The following PSMD14 variants were observed in gnomAD, a reference collection of about 807,000 sequenced individuals.
PSMD14 encodes the protein proteasome 26S subunit, non-ATPase 14.
A neutral mutation model predicts 41.2 loss-of-function variants in PSMD14; 7 were observed. The observed-to-expected ratio is 0.17, with a 90% CI of 0.10 to 0.32. The LOEUF is 0.32. Ranked by LOEUF, PSMD14 falls within the 10% of genes least tolerant of loss-of-function variation. The probability of loss-of-function intolerance (pLI) is 1.00; values close to 1 mark genes in which losing one functional copy is unlikely to be tolerated. For synonymous variants in PSMD14, 114 were observed against 122.3 expected (o/e 0.93, Z 0.45); for missense variants, 139 against 375.6 (o/e 0.37, Z 5.21).
chr2:161,313,388 C>T (rs939628169), intron 1 of PSMD14, among the ~76,000 whole-genome samples: 6 of 152,102 alleles, frequency 3.9e-5, no homozygotes, highest in Non-Finnish European at 7.4e-5. Context: ...CTTGCTGTGT[C>T]GCCCAGGCTG....
At chr2:161,369,908 C>A (rs939447956) in intron 5 of PSMD14, among the ~76,000 whole-genome samples, 199 bp from the exon 6 acceptor site, 1 of 151,922 alleles carries the variant, frequency 6.6e-6, no homozygotes, top group Non-Finnish European at 1.5e-5. Flanking sequence ...GGGCTTAACT[C>A]GATCGCCAAC....
chr2:161,360,408 T>C (rs1003013900), intron 3 of PSMD14, among the ~76,000 whole-genome samples: 1 of 149,116 alleles, frequency 6.7e-6, no homozygotes, highest in African/African-American at 2.5e-5. Flanking sequence ...GAGGCTGGAG[T>C]GCAGTGGCAT....
At chr2:161,375,951 G>A (rs538481850) in intron 7 of PSMD14, among the ~76,000 whole-genome samples, 2 of 151,752 alleles carry the variant, frequency 1.3e-5, no homozygotes, top group East Asian at 3.9e-4. Context: ...AGAAGGTCGT[G>A]TCTTTTCTTT....
intron 3 of PSMD14, among the ~76,000 whole-genome samples, chr2:161,356,287 A>G (rs557718894): frequency 6.6e-6 from 1 of 152,298 alleles, no homozygotes; most frequent in Admixed American, 6.5e-5. Context: ...AAGCTCATGC[A>G]GTAGAAATAG....
intron 7 of PSMD14, among the ~76,000 whole-genome samples, chr2:161,378,839 G>C (rs529755371): frequency 1.3e-5 from 2 of 151,994 alleles, no homozygotes; most frequent in South Asian, 4.1e-4. Context: ...TTTGTTGAGA[G>C]GATTAGCAAG....
intron 3 of PSMD14, among the ~76,000 whole-genome samples, chr2:161,322,067 C>G (rs1039622055): frequency 6.6e-6 from 1 of 152,118 alleles, no homozygotes; most frequent in Non-Finnish European, 1.5e-5. Context: ...TTGATCAGCC[C>G]TCATCTGCAA....
intron 5 of PSMD14, 49 bp downstream of exon 5, chr2:161,367,952 T>C: frequency 6.4e-7 from 1 of 1,565,212 alleles, no homozygotes; most frequent in Non-Finnish European, 8.7e-7. Flanking sequence ...TTTCTTTTCA[T>C]TTTTCTTTTC....
intron 3 of PSMD14, among the ~76,000 whole-genome samples, chr2:161,357,932 T>TTC (rs1225215444): frequency 6.6e-6 from 1 of 151,800 alleles, no homozygotes; most frequent in Admixed American, 6.6e-5. Context: ...GGTGAAACAG[T>TTC]TGTTATAAGG....
intron 4 of PSMD14, 49 bp downstream of exon 4, chr2:161,367,598 C>G: frequency 1.3e-6 from 2 of 1,498,100 alleles, no homozygotes; most frequent in South Asian, 2.4e-5. Flanking sequence ...GTTGCTTTCA[C>G]TGTATCTTTT....
rs565945039 is a variant in PSMD14 at position 161,395,217 on chromosome 2, C to A, written c.771+14C>A. 5.1e-6 allele frequency: 8 copies of A among 1,557,558 alleles called. No homozygotes were observed. The South Asian group carries it at 9.6e-5, about 19-fold the overall frequency. ...AATTACAATAAGGTAAAAGTTACTTCTGCCATTTCTTCTTTATAATCTTTG... is the reference window on the plus strand; with the variant it reads ...AATTACAATAAGGTAAAAGTTACTTATGCCATTTCTTCTTTATAATCTTTG... On this transcript the variant is annotated intron_variant, in intron 10 of 11. Transcript: ENST00000409682.
intron 3 of PSMD14, among the ~76,000 whole-genome samples, chr2:161,322,064 G>A (rs140367301): frequency 1.3e-3 from 201 of 152,240 alleles, no homozygotes; most frequent in African/African-American, 4.7e-3. Flanking sequence ...ATGTTGATCA[G>A]CCCTCATCTG....
intron 5 of PSMD14, among the ~76,000 whole-genome samples, chr2:161,368,222 A>G (rs1683385212): frequency 6.6e-6 from 1 of 151,856 alleles, no homozygotes; most frequent in African/African-American, 2.4e-5. Context: ...ATTTTGAACC[A>G]AGTGTTCAAA....
chr2:161,381,340 G>T (rs1369183896), intron 7 of PSMD14: 2 of 151,390 alleles, frequency 1.3e-5, no homozygotes, highest in Admixed American at 1.3e-4. Flanking sequence ...GAAAATGAAT[G>T]CATCATAAAT....
At chr2:161,360,907 G>T (rs1683281211) in intron 3 of PSMD14, among the ~76,000 whole-genome samples, 1 of 152,154 alleles carries the variant, frequency 6.6e-6, no homozygotes, top group South Asian at 2.1e-4. Context: ...TTCCATTATG[G>T]TTTTAGTATT....
chr2:161,376,923 T>C (rs757642237), intron 7 of PSMD14, among the ~76,000 whole-genome samples: 10 of 151,940 alleles, frequency 6.6e-5, no homozygotes, highest in Non-Finnish European at 1.0e-4. Context: ...GTTTTTAGCA[T>C]ATCCAAAAAA....
chr2:161,348,379 A>G (rs951743275), intron 3 of PSMD14, among the ~76,000 whole-genome samples: 1 of 152,220 alleles, frequency 6.6e-6, no homozygotes, highest in Admixed American at 6.5e-5. Flanking sequence ...GGGCCTGGCC[A>G]TGTTCCAATA....
At chr2:161,308,984 C>T (rs551060481) in intron 1 of PSMD14, among the ~76,000 whole-genome samples, 1 of 152,130 alleles carries the variant, frequency 6.6e-6, no homozygotes. Flanking sequence ...ATTAACTTTC[C>T]CATTGAATAC....
At chr2:161,318,935 C>A (rs1689174044) in intron 3 of PSMD14, 62 bp downstream of exon 3, 3 of 1,348,644 alleles carry the variant, frequency 2.2e-6, no homozygotes, top group Non-Finnish European at 3.1e-6. Context: ...TTGTAGTTAG[C>A]CAAAGAGAAA....
At chr2:161,406,037 C>G (rs1219302905) in intron 10 of PSMD14, among the ~76,000 whole-genome samples, 1 of 152,070 alleles carries the variant, frequency 6.6e-6, no homozygotes, top group Non-Finnish European at 1.5e-5. Context: ...AATTGACCTC[C>G]TGGAGATCCT....
Sources: gnomAD v4.1 joint callset for allele counts (sites outside exome capture counted in the v4.1 genomes callset) on GRCh38, gnomAD v4.1.1 for gene constraint, MANE v1.5 for transcripts, NCBI Gene and HGNC (gene_info 2026-07-23, HGNC 2026-07-21) for gene names.